FBXO16: variants seen among roughly 807,000 people sequenced by gnomAD.
The protein encoded by FBXO16 is F-box protein 16.
FBXO16 carries 31 observed loss-of-function variants against 41.0 expected under a neutral mutation model. The ratio of observed to expected loss-of-function variants is 0.76; its 90% CI spans 0.57 to 1.02. The LOEUF (loss-of-function observed/expected upper bound fraction) is 1.02. Among genes scored for constraint, FBXO16 ranks in the 50% least tolerant of loss-of-function variants. The pLI is 0.00. For synonymous variants in FBXO16, 133 were observed against 117.8 expected, an observed-to-expected ratio of 1.13 and a Z score of -0.84; for missense variants, 361 against 346.2, an observed-to-expected ratio of 1.04 and a Z score of -0.34.
intron 3 of FBXO16, among the ~76,000 whole-genome samples, chr8:28,466,810 C>G (rs1460714952): frequency 6.6e-6 from 1 of 152,108 alleles, no homozygotes; most frequent in Non-Finnish European, 1.5e-5. Context: ...ATGGTAGCCT[C>G]TACGGCAGCT....
At chr8:28,451,725 G>A (rs990019443) in intron 6 of FBXO16, among the ~76,000 whole-genome samples, 10 of 152,044 alleles carry the variant, frequency 6.6e-5, no homozygotes, top group Admixed American at 1.3e-4. Flanking sequence ...GCTCATGCCT[G>A]TAATCCCAGC....
At chr8:28,454,187 G>C (rs1389896207) in intron 5 of FBXO16, among the ~76,000 whole-genome samples, 1 of 151,782 alleles carries the variant, frequency 6.6e-6, no homozygotes, top group Non-Finnish European at 1.5e-5. Context: ...CTGTAACCTA[G>C]AAGCAGATTA....
At chr8:28,456,083 T>C (rs1416597822) in intron 5 of FBXO16, among the ~76,000 whole-genome samples, 2 of 152,220 alleles carry the variant, frequency 1.3e-5, no homozygotes, top group East Asian at 1.9e-4. Flanking sequence ...CAACTCTGCA[T>C]GTGTATAGAT....
At chr8:28,437,174 T>A (rs1241603922) in intron 7 of FBXO16, among the ~76,000 whole-genome samples, 2 of 152,256 alleles carry the variant, frequency 1.3e-5, no homozygotes, top group Non-Finnish European at 2.9e-5. Context: ...AGGTCCTGAA[T>A]AGAAGTTAAT....
At chr8:28,482,564 T>C (rs953701682) in intron 2 of FBXO16, among the ~76,000 whole-genome samples, 1 of 151,920 alleles carries the variant, frequency 6.6e-6, no homozygotes, top group Non-Finnish European at 1.5e-5. Flanking sequence ...TCTTTGTTGT[T>C]GTTGTTCTTA....
chr8:28,439,367 C>A (rs1802730304), intron 7 of FBXO16, among the ~76,000 whole-genome samples: 1 of 152,100 alleles, frequency 6.6e-6, no homozygotes, highest in Admixed American at 6.6e-5. Context: ...AATTTCATTG[C>A]TTGAATTAAA....
intron 1 of FBXO16, among the ~76,000 whole-genome samples, chr8:28,487,040 A>G (rs970635049): frequency 2.0e-5 from 3 of 151,996 alleles, no homozygotes; most frequent in African/African-American, 7.2e-5. Context: ...GACTGATCCT[A>G]GGCACATCCT....
chr8:28,433,548 C>A (rs1187679617), intron 7 of FBXO16, among the ~76,000 whole-genome samples: 1 of 152,226 alleles, frequency 6.6e-6, no homozygotes, highest in South Asian at 2.1e-4. Flanking sequence ...GCCCAAGATT[C>A]CCGGGACTTT....
chr8:28,460,243 A>ATTTTT (rs1350204892), intron 4 of FBXO16, among the ~76,000 whole-genome samples: 15 of 93,786 alleles, frequency 1.6e-4, no homozygotes, highest in African/African-American at 4.9e-4. Flanking sequence ...ATATATATAT[A>ATTTTT]TATTTTTTTT....
intron 7 of FBXO16, among the ~76,000 whole-genome samples, chr8:28,435,736 G>A (rs1437575628): frequency 1.3e-5 from 2 of 152,148 alleles, no homozygotes; most frequent in African/African-American, 4.8e-5. Flanking sequence ...TGTAAAATAG[G>A]TGAAGGGTGG....
At chr8:28,458,449 T>C (rs41408446) in intron 4 of FBXO16, among the ~76,000 whole-genome samples, 8,448 of 151,982 alleles carry the variant, frequency 0.056, 341 homozygotes, top group African/African-American at 0.11. Context: ...CATGGTAAAT[T>C]AGCTCAGAAT....
intron 1 of FBXO16, among the ~76,000 whole-genome samples, chr8:28,486,029 C>G (rs1803596152): frequency 6.6e-6 from 1 of 151,308 alleles, no homozygotes; most frequent in African/African-American, 2.4e-5. Context: ...TCGCTTAAAC[C>G]CAGGAGGTGG....
At chr8:28,447,098 T>C (rs576333507) in intron 7 of FBXO16, 73 bp downstream of exon 7, 2 of 1,371,600 alleles carry the variant, frequency 1.5e-6, no homozygotes, top group South Asian at 1.3e-5. Context: ...GAATTCAATT[T>C]TGCAAATAGG....
In FBXO16 at chr8:28,436,878, A is replaced by T. The variant is rs538534561; in HGVS notation, c.844-7475T>A. On this transcript the variant is annotated intron_variant, in intron 7 of 8. Coordinates refer to ENST00000380254, the MANE Select transcript of FBXO16 (RefSeq NM_172366.4). The stretch of plus-strand genomic sequence containing the variant: ...GCAATCCTCCCACCTGAGCCTCCCC[A>T]GTAGCTGGGACCACAGGTGTGCACC... Among the ~76,000 whole-genome samples the T allele has an allele frequency of 2.4e-4, 37 of 152,234 alleles. 1 individual carries two copies. In the South Asian group the frequency reaches 7.7e-3, roughly 32 times the overall value.
chr8:28,485,110 G>A (rs560641614), intron 1 of FBXO16, among the ~76,000 whole-genome samples: 2 of 152,134 alleles, frequency 1.3e-5, no homozygotes, highest in Admixed American at 1.3e-4. Context: ...AGATGGCTAA[G>A]GGGACCAGGG....
At position 28,452,301 on chromosome 8, in the gene FBXO16, T is replaced by C; in HGVS notation, c.683A>G (p.Asp228Gly). The C allele has an allele frequency of 6.2e-7, 1 of 1,614,164 alleles. No individual in the cohort carries two copies. Among genetic ancestry groups the C allele is most frequent in the Non-Finnish European group, 8.5e-7 (1 of 1,180,024 alleles). The change falls in exon 6 of 9, where the codon GAT (aspartate) becomes GGT (glycine). Residue 228 changes from aspartate to glycine, a missense_variant. Transcript: ENST00000380254. Reference sequence around the variant, plus strand: ...GTCTAGGTAATTAAAACGAATGATATCTGTTGGGTGCTTATCAGAAGATCG... The same window carrying C: ...GTCTAGGTAATTAAAACGAATGATACCTGTTGGGTGCTTATCAGAAGATCG... ...PWRSSDKHPTDIIRFNYLDNR... is the reference protein window; with the variant it reads ...PWRSSDKHPTGIIRFNYLDNR...
intron 6 of FBXO16, among the ~76,000 whole-genome samples, chr8:28,450,071 T>C (rs1404965784): frequency 1.3e-5 from 2 of 151,240 alleles, no homozygotes; most frequent in Non-Finnish European, 1.5e-5. Context: ...TAAAATGTAC[T>C]ACAGAGCTAC....
intron 7 of FBXO16, among the ~76,000 whole-genome samples, chr8:28,443,677 C>T (rs559225811): frequency 2.6e-5 from 4 of 152,168 alleles, no homozygotes; most frequent in South Asian, 2.1e-4. Context: ...CACTCCCAGA[C>T]GGTTAAGGCA....
chr8:28,452,225 A>G lies in FBXO16; in HGVS notation c.740+19T>C. Reference sequence around the variant, plus strand: ...ATTTCTAAAAACGAAGAAGTTGAGAAGAGCATGGAGCTTCTTACCCTTGCT... The same window carrying G: ...ATTTCTAAAAACGAAGAAGTTGAGAGGAGCATGGAGCTTCTTACCCTTGCT... On this transcript the variant is annotated intron_variant, in intron 6 of 8. Coordinates refer to ENST00000380254, the MANE Select transcript of FBXO16 (RefSeq NM_172366.4). 1 of 1,591,542 alleles carries G rather than the reference A, an allele frequency of 6.3e-7. No individual in the cohort carries two copies. Among genetic ancestry groups the G allele is most frequent in the Non-Finnish European group, 8.6e-7 (1 of 1,166,276 alleles).
Sources: gnomAD v4.1 joint callset for allele counts (sites outside exome capture counted in the v4.1 genomes callset) on GRCh38, gnomAD v4.1.1 for gene constraint, MANE v1.5 for transcripts, NCBI Gene and HGNC (gene_info 2026-07-23, HGNC 2026-07-21) for gene names.